DOCK4: variants seen among roughly 807,000 people sequenced by gnomAD.
The protein encoded by DOCK4 is dedicator of cytokinesis 4, also known as dedicator of cytokinesis protein 4.
In DOCK4, 97 loss-of-function variants were observed where a neutral mutation model predicts 268.1. The observed-to-expected ratio is 0.36, with a 90% CI of 0.31 to 0.43. The LOEUF is 0.43. DOCK4 is among the 20% of genes least tolerant of loss of function. DOCK4 has a pLI of 1.00. For synonymous variants in DOCK4, 954 were observed against 887.2 expected, an observed-to-expected ratio of 1.08 and a Z score of -1.34; for missense variants, 2,145 against 2,455.7, an observed-to-expected ratio of 0.87 and a Z score of 2.67.
At chr7:112,145,070 G>A (rs1052584465) in intron 1 of DOCK4, among the ~76,000 whole-genome samples, 3 of 152,134 alleles carry the variant, frequency 2.0e-5, no homozygotes, top group African/African-American at 7.2e-5. Context: ...TTAATATGTT[G>A]TAAAAAGGAG....
chr7:111,776,682 A>T (rs899812643), intron 36 of DOCK4, among the ~76,000 whole-genome samples: 12 of 152,236 alleles, frequency 7.9e-5, no homozygotes, highest in African/African-American at 2.9e-4. Context: ...TACAGATCCA[A>T]GAACCTCAGC....
chr7:112,191,479 C>G lies in DOCK4; in HGVS notation c.37+14623G>C, dbSNP rs6944028. Among the ~76,000 whole-genome samples, 473 of 152,122 alleles carry G rather than the reference C, an allele frequency of 3.1e-3. 5 individuals are homozygous for G. The highest frequency in any genetic ancestry group is 0.011 in the African/African-American group (457 of 41,492). On this transcript the variant is annotated intron_variant, in intron 1 of 52. Coordinates refer to ENST00000428084, the MANE Select transcript of DOCK4 (RefSeq NM_001363540.2). Reference sequence around the variant, plus strand: ...CACCCACCAGCAGTCAGCATACTGACTGACCATCACTACCACAGACCAATG... The same window carrying G: ...CACCCACCAGCAGTCAGCATACTGAGTGACCATCACTACCACAGACCAATG...
intron 1 of DOCK4, among the ~76,000 whole-genome samples, chr7:112,064,308 C>T (rs1024234097): frequency 6.6e-6 from 1 of 152,156 alleles, no homozygotes; most frequent in African/African-American, 2.4e-5. Flanking sequence ...TATAAACCAA[C>T]CAATATCCCA....
intron 1 of DOCK4, among the ~76,000 whole-genome samples, chr7:112,107,702 G>T (rs1433826559): frequency 6.6e-6 from 1 of 152,172 alleles, no homozygotes; most frequent in Non-Finnish European, 1.5e-5. Context: ...AAGCACCTGG[G>T]ATGAGCCCTA....
chr7:111,945,916 C>A, intron 8 of DOCK4, 118 bp from the exon 9 acceptor site: 1 of 705,636 alleles, frequency 1.4e-6, no homozygotes, highest in Non-Finnish European at 2.3e-6. Context: ...CATTTAACAT[C>A]AACATTGCTT....
chr7:111,879,485 C>G (rs10243917), intron 16 of DOCK4, among the ~76,000 whole-genome samples: 22,108 of 152,082 alleles, frequency 0.15, 1,805 homozygotes, highest in Non-Finnish European at 0.18. Flanking sequence ...GGTACCAGCT[C>G]AGTCACAGTG....
intron 8 of DOCK4, among the ~76,000 whole-genome samples, chr7:111,961,214 C>G (rs994135333): frequency 6.6e-6 from 1 of 152,336 alleles, no homozygotes; most frequent in East Asian, 1.9e-4. Context: ...AACCCAAAGT[C>G]TCTTGATTCC....
intron 1 of DOCK4, among the ~76,000 whole-genome samples, chr7:112,124,722 A>T (rs1345070243): frequency 2.6e-5 from 4 of 152,236 alleles, no homozygotes; most frequent in Admixed American, 6.5e-5. Flanking sequence ...TGTCTAGCGC[A>T]GTGCCTGGCC....
chr7:111,776,780 A>C (rs1798465783), intron 36 of DOCK4, among the ~76,000 whole-genome samples: 1 of 152,208 alleles, frequency 6.6e-6, no homozygotes, highest in Admixed American at 6.5e-5. Context: ...AGTCCTGAAG[A>C]CAACCAGAAA....
chr7:111,959,827 T>C (rs1411173198), intron 8 of DOCK4, among the ~76,000 whole-genome samples: 1 of 152,166 alleles, frequency 6.6e-6, no homozygotes, highest in African/African-American at 2.4e-5. Flanking sequence ...CTCATTCTTT[T>C]CCACCTATGA....
intron 1 of DOCK4, among the ~76,000 whole-genome samples, chr7:112,089,278 T>C (rs1011891575): frequency 3.9e-5 from 6 of 152,140 alleles, no homozygotes; most frequent in African/African-American, 1.4e-4. Flanking sequence ...GGCTTCAAAT[T>C]AGGTTTTAAT....
chr7:111,983,862 G>GCGCGCACACACACA, intron 7 of DOCK4, among the ~76,000 whole-genome samples: 2 of 138,562 alleles, frequency 1.4e-5, no homozygotes, highest in African/African-American at 5.6e-5. Context: ...GCGCGCGCGC[G>GCGCGCACACACACA]CACACACACA....
chr7:111,895,474 A>G, intron 16 of DOCK4, 138 bp downstream of exon 16: 1 of 783,236 alleles, frequency 1.3e-6, no homozygotes, highest in Admixed American at 2.3e-5. Flanking sequence ...ATACTTTGAA[A>G]AAGACATTCT....
intron 1 of DOCK4, among the ~76,000 whole-genome samples, chr7:112,148,155 C>T (rs1214317398): frequency 6.6e-6 from 1 of 152,150 alleles, no homozygotes; most frequent in Non-Finnish European, 1.5e-5. Context: ...AAGAAAGCCT[C>T]CTCCTTTAAG....
chr7:112,192,108 A>G (rs1235546858), intron 1 of DOCK4, among the ~76,000 whole-genome samples: 1 of 150,826 alleles, frequency 6.6e-6, no homozygotes, highest in African/African-American at 2.4e-5. Context: ...ATAATTATAT[A>G]CTATAGTTTC....
At chr7:112,054,797 C>T (rs537021677) in intron 1 of DOCK4, among the ~76,000 whole-genome samples, 48 of 152,110 alleles carry the variant, frequency 3.2e-4, no homozygotes, top group South Asian at 3.1e-3. Flanking sequence ...ATACAATAGG[C>T]GGTATTTTCA....
chr7:112,062,363 C>T (rs1443560929), intron 1 of DOCK4, among the ~76,000 whole-genome samples: 5 of 152,148 alleles, frequency 3.3e-5, no homozygotes, highest in Non-Finnish European at 5.9e-5. Flanking sequence ...GTACTCCGAA[C>T]ATTAATAAGA....
chr7:111,797,430 T>C (rs533929237), intron 30 of DOCK4, among the ~76,000 whole-genome samples: 2 of 152,328 alleles, frequency 1.3e-5, no homozygotes, highest in African/African-American at 4.8e-5. Flanking sequence ...ATTTAACTCA[T>C]GTATTTCACC....
At chr7:111,811,853 G>C (rs1164652628) in intron 28 of DOCK4, 21 bp downstream of exon 28, 1 of 1,362,944 alleles carries the variant, frequency 7.3e-7, no homozygotes, top group Non-Finnish European at 1.0e-6. Context: ...AAGCAGGAGA[G>C]TCATATAAAT....
Sources: gnomAD v4.1 joint callset for allele counts (sites outside exome capture counted in the v4.1 genomes callset) on GRCh38, gnomAD v4.1.1 for gene constraint, MANE v1.5 for transcripts, NCBI Gene and HGNC (gene_info 2026-07-23, HGNC 2026-07-21) for gene names.